Variants in STK39 observed in about 807,000 individuals in gnomAD.
The protein encoded by STK39 is STE20/SPS1-related proline-alanine-rich protein kinase.
Under a neutral mutation model 77.8 loss-of-function variants are expected in STK39, and 20 were observed. The ratio of observed to expected loss-of-function variants is 0.26; its 90% confidence interval spans 0.18 to 0.37. The LOEUF (loss-of-function observed/expected upper bound fraction) is 0.37, where lower values mean the gene tolerates loss of function less well. Ranked by LOEUF, STK39 falls within the 10% of genes least tolerant of loss-of-function variation. The pLI is 1.00. For synonymous variants in STK39, 246 were observed against 234.1 expected (o/e 1.05, Z -0.47); for missense variants, 479 against 656.5 (o/e 0.73, Z 2.95).
At chr2:168,172,896 G>A (rs372190898) in intron 2 of STK39, among the ~76,000 whole-genome samples, 30 of 152,094 alleles carry the variant, frequency 2.0e-4, no homozygotes, top group African/African-American at 6.5e-4. Flanking sequence ...GCAATGGATC[G>A]CAACCTTGGC....
chr2:168,208,720 G>A (rs1018119441), intron 1 of STK39, among the ~76,000 whole-genome samples: 8 of 152,204 alleles, frequency 5.3e-5, no homozygotes, highest in Admixed American at 6.5e-5. Context: ...CACGTGACTT[G>A]TTCTGGCCAG....
At chr2:167,988,629 G>A (rs1311690042) in intron 16 of STK39, among the ~76,000 whole-genome samples, 1 of 151,944 alleles carries the variant, frequency 6.6e-6, no homozygotes, top group Non-Finnish European at 1.5e-5. Context: ...TCTTCCATAG[G>A]TGAAGGCTTT....
intron 10 of STK39, among the ~76,000 whole-genome samples, chr2:168,095,575 A>G (rs1182056723): frequency 6.7e-6 from 1 of 149,934 alleles, no homozygotes; most frequent in Non-Finnish European, 1.5e-5. Context: ...AATCCCCACT[A>G]TCATCAAAAG....
At chr2:167,970,377 T>C (rs1367565824) in intron 16 of STK39, among the ~76,000 whole-genome samples, 1 of 152,126 alleles carries the variant, frequency 6.6e-6, no homozygotes, top group Non-Finnish European at 1.5e-5. Context: ...CATGAATATA[T>C]GGAAAAATGA....
chr2:167,957,801 C>G (rs1359117076), intron 17 of STK39, among the ~76,000 whole-genome samples: 1 of 152,160 alleles, frequency 6.6e-6, no homozygotes, highest in Non-Finnish European at 1.5e-5. Flanking sequence ...AATATTAAAT[C>G]CTTTCTTGTG....
chr2:168,074,368 C>T (rs1488709162), intron 12 of STK39, among the ~76,000 whole-genome samples: 11 of 152,138 alleles, frequency 7.2e-5, no homozygotes, highest in Admixed American at 6.5e-4. Context: ...GTCTTGTGAA[C>T]TACAGTTATC....
At chr2:167,979,006 C>A (rs546172180) in intron 16 of STK39, among the ~76,000 whole-genome samples, 1 of 151,938 alleles carries the variant, frequency 6.6e-6, no homozygotes, top group Non-Finnish European at 1.5e-5. Flanking sequence ...GGAACATGAT[C>A]GATAATTCAT....
intron 7 of STK39, among the ~76,000 whole-genome samples, chr2:168,139,846 T>C (rs1687935004): frequency 6.6e-6 from 1 of 151,930 alleles, no homozygotes; most frequent in Non-Finnish European, 1.5e-5. Flanking sequence ...TTGCCAACAT[T>C]ACACTATAAG....
At chr2:168,104,474 CA>C (rs1454216302) in intron 10 of STK39, among the ~76,000 whole-genome samples, 10 of 152,068 alleles carry the variant, frequency 6.6e-5, no homozygotes, top group Non-Finnish European at 1.5e-4. Context: ...AAAAGAAAAG[CA>C]ACAGGAACTG....
At chr2:168,179,375 A>C (rs1380438038) in intron 2 of STK39, among the ~76,000 whole-genome samples, 1 of 152,216 alleles carries the variant, frequency 6.6e-6, no homozygotes, top group East Asian at 1.9e-4. Flanking sequence ...CAAATCAGGC[A>C]GGCTATACTC....
At chr2:167,969,173 G>T (rs1279063203) in intron 16 of STK39, among the ~76,000 whole-genome samples, 4 of 152,214 alleles carry the variant, frequency 2.6e-5, no homozygotes, top group African/African-American at 9.6e-5. Flanking sequence ...TTAGAATAAT[G>T]CTTGATGTAT....
intron 10 of STK39, among the ~76,000 whole-genome samples, chr2:168,115,061 T>C (rs1296152482): frequency 6.6e-6 from 1 of 152,210 alleles, no homozygotes; most frequent in African/African-American, 2.4e-5. Context: ...TAATAGGCTC[T>C]AGGTCAATTA....
At chr2:168,241,012 G>A (rs562513489) in intron 1 of STK39, among the ~76,000 whole-genome samples, 1 of 152,356 alleles carries the variant, frequency 6.6e-6, no homozygotes, top group African/African-American at 2.4e-5. Context: ...TAGGGAAAGG[G>A]CAGAAGCCAG....
At position 167,964,697 on chromosome 2, in the gene STK39, C is replaced by T; in HGVS notation, c.1528G>A (p.Asp510Asn). 6.2e-7 allele frequency: 1 copy of T among 1,611,318 alleles called. No individual in the cohort carries two copies. The highest frequency in any genetic ancestry group is 8.5e-7 in the Non-Finnish European group (1 of 1,179,016). The change falls in exon 17 of 18, where the codon GAT (aspartate) becomes AAT (asparagine). Residue 510 changes from aspartate to asparagine, a missense_variant. Transcript: ENST00000355999. Reference sequence around the variant, plus strand: ...GTCAATGTTTTTAAAGCTTTGGGATCATCTACAATCTTCTGTAAATTAGCA... The same window carrying T: ...GTCAATGTTTTTAAAGCTTTGGGATTATCTACAATCTTCTGTAAATTAGCA... The part of the protein sequence containing the change: ...VAANLQKIVD[D>N]PKALKTLTFK...
At position 168,056,257 on chromosome 2, in the gene STK39, G is replaced by A. The variant is rs1685523381; in HGVS notation, c.1376+7243C>T. Among the ~76,000 whole-genome samples, 7 of 151,536 alleles carry A rather than the reference G, an allele frequency of 4.6e-5. No individual in the cohort carries two copies. In the South Asian group the frequency reaches 1.5e-3, roughly 32 times the overall value. On this transcript the variant is annotated intron_variant, in intron 14 of 17. Coordinates refer to ENST00000355999, the MANE Select transcript of STK39 (RefSeq NM_013233.3). Reference sequence around the variant, plus strand: ...CACTACCTGTAGCCACAACGTATTTGTCTTTTCTCCTAGAGTGTGACATTT... The same window carrying A: ...CACTACCTGTAGCCACAACGTATTTATCTTTTCTCCTAGAGTGTGACATTT...
intron 12 of STK39, among the ~76,000 whole-genome samples, chr2:168,068,103 C>T (rs969410531): frequency 6.6e-6 from 1 of 152,174 alleles, no homozygotes; most frequent in Non-Finnish European, 1.5e-5. Context: ...GGAAAACCTG[C>T]TGCTATGATT....
At chr2:168,010,917 A>G (rs1165260364) in intron 16 of STK39, among the ~76,000 whole-genome samples, 1 of 152,214 alleles carries the variant, frequency 6.6e-6, no homozygotes, top group East Asian at 1.9e-4. Context: ...AGGTGTGTGT[A>G]TCTACCTTAA....
At chr2:168,075,637 G>A (rs1174190754) in intron 10 of STK39, among the ~76,000 whole-genome samples, 1 of 151,746 alleles carries the variant, frequency 6.6e-6, no homozygotes, top group Admixed American at 6.6e-5. Flanking sequence ...CTGAGCAAAG[G>A]CAGAGAAATC....
chr2:168,040,434 C>G (rs79463311), intron 14 of STK39, among the ~76,000 whole-genome samples: 4 of 152,304 alleles, frequency 2.6e-5, no homozygotes, highest in East Asian at 1.9e-4. Context: ...TGGGCTTCAA[C>G]AAATGCTTTT....
Sources: gnomAD v4.1 joint callset for allele counts (sites outside exome capture counted in the v4.1 genomes callset) on GRCh38, gnomAD v4.1.1 for gene constraint, MANE v1.5 for transcripts, NCBI Gene and HGNC (gene_info 2026-07-23, HGNC 2026-07-21) for gene names.